The following TPP2 variants were observed in gnomAD, a reference collection of about 807,000 sequenced individuals.
TPP2 encodes tripeptidyl-peptidase 2.
TPP2 carries 34 observed loss-of-function variants against 155.9 expected under a neutral mutation model. The ratio of observed to expected loss-of-function variants is 0.22; its 90% CI spans 0.17 to 0.29. The LOEUF is 0.29. Among genes scored for constraint, TPP2 ranks in the 10% least tolerant of loss-of-function variants. The pLI is 1.00. For synonymous variants in TPP2, 510 were observed against 529.4 expected (o/e 0.96, Z 0.50); for missense variants, 1,028 against 1,522.3 (o/e 0.68, Z 5.40).
At chr13:102,655,088 G>A (rs1883768183) in intron 24 of TPP2, 2 of 466,692 alleles carry the variant, frequency 4.3e-6, no homozygotes, top group Non-Finnish European at 8.6e-6. Context: ...GATTTATATG[G>A]TTATCTGACA....
At chr13:102,627,445 C>T (rs1411506939) in intron 7 of TPP2, among the ~76,000 whole-genome samples, 1 of 152,026 alleles carries the variant, frequency 6.6e-6, no homozygotes, top group Non-Finnish European at 1.5e-5. Context: ...AAAAGAAAGA[C>T]CTCTTAGCCA....
At chr13:102,659,317 T>C (rs1884053402) in intron 25 of TPP2, among the ~76,000 whole-genome samples, 1 of 152,182 alleles carries the variant, frequency 6.6e-6, no homozygotes, top group South Asian at 2.1e-4. Context: ...AAATAATGGC[T>C]GGAAACACCC....
chr13:102,613,413 G>T (rs1483103026), intron 2 of TPP2, among the ~76,000 whole-genome samples: 1 of 152,116 alleles, frequency 6.6e-6, no homozygotes, highest in Non-Finnish European at 1.5e-5. Flanking sequence ...TGATGACCAC[G>T]GTTCCATGAT....
chr13:102,613,581 G>A (rs1240296723), intron 2 of TPP2, among the ~76,000 whole-genome samples: 1 of 152,130 alleles, frequency 6.6e-6, no homozygotes, highest in Non-Finnish European at 1.5e-5. Flanking sequence ...ATAGAGTTTG[G>A]ATTCAGAGCC....
At chr13:102,658,762 G>C (rs1884016417) in intron 25 of TPP2, among the ~76,000 whole-genome samples, 1 of 151,982 alleles carries the variant, frequency 6.6e-6, no homozygotes, top group African/African-American at 2.4e-5. Context: ...CCAGCTCCTG[G>C]GGGAGGGAAG....
At position 102,657,153 on chromosome 13, in the gene TPP2, T is replaced by C. The variant is rs765998308; in HGVS notation, c.3089T>C (p.Leu1030Ser). 6.3e-7 allele frequency: 1 copy of C among 1,599,292 alleles called. No homozygotes were observed. The change falls in exon 25 of 30, where the codon TTA (leucine) becomes TCA (serine). Residue 1030 changes from leucine to serine, a missense_variant. Transcript: ENST00000376052. ...AAAGATTCAGAAAAAGAGAAAGATT[T>C]AAAAGAAGAGTTTACTGAAGCATTA... is the stretch of plus-strand genomic sequence containing the variant. ...KEKDSEKEKDLKEEFTEALRD... is the reference protein window; with the variant it reads ...KEKDSEKEKDSKEEFTEALRD...
At chr13:102,613,573 A>G (rs1880477971) in intron 2 of TPP2, among the ~76,000 whole-genome samples, 1 of 152,192 alleles carries the variant, frequency 6.6e-6, no homozygotes. Context: ...AGTTAGTGAT[A>G]GAGTTTGGAT....
chr13:102,640,534 A>G (rs1882684568), intron 16 of TPP2, among the ~76,000 whole-genome samples, 158 bp downstream of exon 16: 2 of 151,814 alleles, frequency 1.3e-5, no homozygotes, highest in South Asian at 2.1e-4. Flanking sequence ...CGTTTTTAAG[A>G]TCTAGTACAA....
chr13:102,621,076 T>C (rs375877660), intron 5 of TPP2, among the ~76,000 whole-genome samples: 2 of 152,222 alleles, frequency 1.3e-5, no homozygotes, highest in South Asian at 4.1e-4. Context: ...CAACTAGACC[T>C]TCAGAAAGTT....
rs74696337 is a variant in TPP2, at chr13:102,614,587, A to C, written c.390+391A>C. On this transcript the variant is annotated intron_variant, in intron 3 of 29. Coordinates refer to ENST00000376052, the MANE Select transcript of TPP2 (RefSeq NM_001330588.2). Reference sequence around the variant, plus strand: ...CGTTTCTGTTCCTGTAGTTTCTGTGATAATGTCCCTCCCCTGTTTAACTAG... The same window carrying C: ...CGTTTCTGTTCCTGTAGTTTCTGTGCTAATGTCCCTCCCCTGTTTAACTAG... Among the ~76,000 whole-genome samples, 750 of 152,294 alleles carry C rather than the reference A, an allele frequency of 4.9e-3. 6 individuals carry two copies. The highest frequency in any genetic ancestry group is 0.017 in the African/African-American group (713 of 41,556).
In TPP2 at chr13:102,628,414, C is replaced by T. The variant is rs79105354; in HGVS notation, c.1016+490C>T. Among the ~76,000 whole-genome samples, 515 of 152,268 alleles carry T rather than the reference C, an allele frequency of 3.4e-3. 2 individuals carry two copies. Among genetic ancestry groups the T allele is most frequent in the Non-Finnish European group, 5.8e-3 (394 of 68,016 alleles). ...CATACCCGACAGACGCCCAGACTTG[C>T]TGAAATTTTGCTATTCTCTTTAGTG... On this transcript the variant is annotated intron_variant, in intron 8 of 29. Coordinates refer to ENST00000376052, the MANE Select transcript of TPP2 (RefSeq NM_001330588.2).
intron 27 of TPP2, among the ~76,000 whole-genome samples, chr13:102,670,378 C>A (rs6491705): frequency 0.66 from 100,890 of 151,984 alleles, 33,698 homozygotes; most frequent in Middle Eastern, 0.7. Context: ...CATAACCTAG[C>A]AACTGATTGC....
chr13:102,667,517 A>G (rs1355936409), intron 27 of TPP2, among the ~76,000 whole-genome samples: 1 of 152,220 alleles, frequency 6.6e-6, no homozygotes, highest in Non-Finnish European at 1.5e-5. Context: ...TTTTTAAATA[A>G]ATATTTCAAA....
At chr13:102,661,289 C>G (rs978323820) in intron 25 of TPP2, among the ~76,000 whole-genome samples, 5 of 134,478 alleles carry the variant, frequency 3.7e-5, no homozygotes, top group Admixed American at 3.2e-4. Context: ...CTCTCTCTGT[C>G]ACCCAGGCTG....
intron 10 of TPP2, among the ~76,000 whole-genome samples, chr13:102,632,826 A>T (rs1279183066): frequency 1.3e-5 from 2 of 152,202 alleles, no homozygotes; most frequent in African/African-American, 4.8e-5. Flanking sequence ...AATTAGTGGG[A>T]GATGACACTG....
At chr13:102,665,617 G>A (rs1879017830) in intron 27 of TPP2, among the ~76,000 whole-genome samples, 1 of 152,118 alleles carries the variant, frequency 6.6e-6, no homozygotes, top group Non-Finnish European at 1.5e-5. Flanking sequence ...ACCCTTCCAT[G>A]AACTCTTAAA....
intron 27 of TPP2, among the ~76,000 whole-genome samples, chr13:102,671,215 G>T (rs745818533): frequency 6.6e-6 from 1 of 152,192 alleles, no homozygotes; most frequent in Non-Finnish European, 1.5e-5. Context: ...AGGAATTGCC[G>T]CTGGGGAAGG....
intron 5 of TPP2, among the ~76,000 whole-genome samples, chr13:102,620,415 T>A (rs1038024168): frequency 1.3e-5 from 2 of 152,212 alleles, no homozygotes; most frequent in African/African-American, 4.8e-5. Context: ...TAATGTAACT[T>A]TTTTGCATAA....
intron 5 of TPP2, among the ~76,000 whole-genome samples, chr13:102,620,506 G>C (rs1361318159): frequency 6.6e-6 from 1 of 152,056 alleles, no homozygotes; most frequent in Non-Finnish European, 1.5e-5. Flanking sequence ...GGTACATAAG[G>C]TTAATCCAGT....
Sources: gnomAD v4.1 joint callset for allele counts (sites outside exome capture counted in the v4.1 genomes callset) on GRCh38, gnomAD v4.1.1 for gene constraint, MANE v1.5 for transcripts, NCBI Gene and HGNC (gene_info 2026-07-23, HGNC 2026-07-21) for gene names.